The following CDHR3 variants were observed in gnomAD, a reference collection of about 807,000 sequenced individuals.
CDHR3 encodes the protein cadherin-related family member 3.
A neutral mutation model predicts 86.6 loss-of-function variants in CDHR3; 79 were observed. That is an observed-to-expected ratio of 0.91 (90% CI 0.76 to 1.10). CDHR3 has a LOEUF of 1.10. Ranked by LOEUF, CDHR3 falls within the 50% of genes least tolerant of loss-of-function variation. The pLI is 0.00. For missense variants in CDHR3, 1,081 were observed against 1,077.6 expected, an observed-to-expected ratio of 1.00 and a Z score of -0.04; for synonymous variants, 421 against 402.4, an observed-to-expected ratio of 1.05 and a Z score of -0.55.
At chr7:106,031,573 CGCT>C (rs942533751) in intron 18 of CDHR3, among the ~76,000 whole-genome samples, 2 of 152,178 alleles carry the variant, frequency 1.3e-5, no homozygotes, top group Admixed American at 6.5e-5. Flanking sequence ...CTGCCGCCGC[CGCT>C]GCTGCTGCTG....
rs912664882 is a variant in CDHR3, at chr7:106,015,027, C to T, written c.1225-84C>T. 3.7e-6 allele frequency: 4 copies of T among 1,094,546 alleles called. No individual in the cohort carries two copies. In the African/African-American group the frequency reaches 6.3e-5, roughly 17 times the overall value. 67.8% of individuals were successfully genotyped at this position (1,094,546 alleles called of 1,614,324 possible). A position where few individuals can be genotyped will look rare whatever the true frequency, so the allele number is the denominator to read the frequency against. On this transcript the variant is annotated intron_variant, in intron 9 of 18. Coordinates refer to ENST00000317716, the MANE Select transcript of CDHR3 (RefSeq NM_152750.5). ...AGCGTTTTGCCAATTTATATATCCA[C>T]TAGCAGTATATGAAAATGTCTCTCG...
At chr7:106,008,178 G>A (rs1460768832) in intron 8 of CDHR3, among the ~76,000 whole-genome samples, 2 of 152,170 alleles carry the variant, frequency 1.3e-5, no homozygotes, top group Non-Finnish European at 2.9e-5. Context: ...AGTTCAAGAT[G>A]AGATTTGGGT....
intron 8 of CDHR3, among the ~76,000 whole-genome samples, chr7:106,008,020 A>C (rs1317208602): frequency 6.6e-6 from 1 of 152,250 alleles, no homozygotes; most frequent in Non-Finnish European, 1.5e-5. Context: ...GGATGGCAGC[A>C]GGCAAAGAGA....
chr7:106,012,738 A>G, intron 8 of CDHR3, 122 bp from the exon 9 acceptor site: 1 of 1,094,032 alleles, frequency 9.1e-7, no homozygotes, highest in Non-Finnish European at 1.3e-6. Flanking sequence ...AGGTGACTGC[A>G]ATGACCATGG....
chr7:105,969,088 A>T (rs914453313), intron 1 of CDHR3, among the ~76,000 whole-genome samples: 1 of 63,042 alleles, frequency 1.6e-5, no homozygotes, highest in Admixed American at 1.5e-4. Context: ...ACTCCGTCTC[A>T]AAATAAAAAT....
intron 8 of CDHR3, among the ~76,000 whole-genome samples, chr7:106,010,333 C>CAA (rs940203295): frequency 1.7e-4 from 26 of 152,206 alleles, no homozygotes; most frequent in South Asian, 4.1e-4. Context: ...GACAAGAATA[C>CAA]AAACCTCTCT....
chr7:105,975,255 A>G (rs1828626581), intron 2 of CDHR3, among the ~76,000 whole-genome samples: 1 of 152,162 alleles, frequency 6.6e-6, no homozygotes, highest in Non-Finnish European at 1.5e-5. Context: ...CATACAGTTT[A>G]CATAAGCATT....
Position 106,001,573 on chromosome 7 carries a change from C to G in CDHR3, c.825C>G (p.Ser275Arg), listed in dbSNP as rs1405831681. 2 of 1,613,906 alleles carry G rather than the reference C, an allele frequency of 1.2e-6. No individual in the cohort carries two copies. The highest frequency in any genetic ancestry group is 2.7e-5 in the African/African-American group (2 of 74,912). Reference sequence around the variant, plus strand: ...GTTTTCCCAGCCACCTCCTCTACAGCATTACCACTGTTAGCAAATATTTCA... The same window carrying G: ...GTTTTCCCAGCCACCTCCTCTACAGGATTACCACTGTTAGCAAATATTTCA... ...DEGFPSHLLYSITTVSKYFMI... is the reference protein window; with the variant it reads ...DEGFPSHLLYRITTVSKYFMI... The change falls in exon 7 of 19, where the codon AGC (serine) becomes AGG (arginine). Residue 275 changes from serine to arginine, a missense_variant. Transcript: ENST00000317716.
Position 106,029,713 on chromosome 7 carries a change from G to A in CDHR3, c.2305-1079G>A, listed in dbSNP as rs142564699. On this transcript the variant is annotated intron_variant, in intron 17 of 18. Coordinates refer to ENST00000317716, the MANE Select transcript of CDHR3 (RefSeq NM_152750.5). ...TCATGAATTTGTTGCATAATTCAATGGCTCCTCCAATGAGGAAGTCAGTGC... is the reference window on the plus strand; with the variant it reads ...TCATGAATTTGTTGCATAATTCAATAGCTCCTCCAATGAGGAAGTCAGTGC... Among the ~76,000 whole-genome samples, 560 of 152,252 alleles carry A rather than the reference G, an allele frequency of 3.7e-3. 1 individual carries two copies. The highest frequency in any genetic ancestry group is 5.3e-3 in the Non-Finnish European group (359 of 68,012).
chr7:106,006,329 C>A (rs947865587), intron 8 of CDHR3, among the ~76,000 whole-genome samples: 2 of 152,134 alleles, frequency 1.3e-5, no homozygotes, highest in African/African-American at 4.8e-5. Flanking sequence ...ATTTCAAAAC[C>A]AATCATGCCT....
chr7:106,009,063 C>A (rs952832802), intron 8 of CDHR3, among the ~76,000 whole-genome samples: 2 of 152,206 alleles, frequency 1.3e-5, no homozygotes, highest in African/African-American at 4.8e-5. Context: ...CCTAGACTGT[C>A]CAGGCAAGAC....
chr7:105,973,117 G>C (rs1386398433), intron 1 of CDHR3, among the ~76,000 whole-genome samples: 1 of 152,152 alleles, frequency 6.6e-6, no homozygotes, highest in Non-Finnish European at 1.5e-5. Context: ...CTCAGGGTCT[G>C]ATGGTGGCTG....
chr7:106,033,090 A>G lies in CDHR3; in HGVS notation c.*393A>G, dbSNP rs1431669271. 5.7e-6 allele frequency: 1 copy of G among 175,196 alleles called. No individual in the cohort carries two copies. The highest frequency in any genetic ancestry group is 2.4e-5 in the African/African-American group (1 of 42,194). 10.9% of individuals were successfully genotyped at this position (175,196 alleles called of 1,614,324 possible). A position where few individuals can be genotyped will look rare whatever the true frequency, so the allele number is the denominator to read the frequency against. ...TATCCTTACATCTGGTTTCCACCTT[A>G]TTTTCCTGCCCTCGTTTTAACATCA... On this transcript the variant is annotated 3_prime_UTR_variant, in exon 19 of 19. Transcript: ENST00000317716.
rs1838690323 is a variant in CDHR3, at chr7:106,033,815, A to G, written c.*1118A>G. On this transcript the variant is annotated 3_prime_UTR_variant, in exon 19 of 19. Transcript: ENST00000317716. ...TGTCTTTTGGTGAACATAAACACTCACTTTTTTGCTCATATATCTAAGAGT... is the reference window on the plus strand; with the variant it reads ...TGTCTTTTGGTGAACATAAACACTCGCTTTTTTGCTCATATATCTAAGAGT... The G allele has an allele frequency of 6.6e-6, 1 of 152,156 alleles. No individual in the cohort carries two copies. Among genetic ancestry groups the G allele is most frequent in the Non-Finnish European group, 1.5e-5 (1 of 68,040 alleles). The allele number at this position is 152,156 out of a possible 1,614,324, so 9.4% of individuals were successfully genotyped here.
chr7:105,964,988 G>A (rs186637024), intron 1 of CDHR3, among the ~76,000 whole-genome samples: 1 of 152,342 alleles, frequency 6.6e-6, no homozygotes, highest in Non-Finnish European at 1.5e-5. Flanking sequence ...TGGGGAAAGA[G>A]TGAGGTTAGG....
intron 8 of CDHR3, among the ~76,000 whole-genome samples, chr7:106,009,507 T>C (rs1834443637): frequency 6.6e-6 from 1 of 152,270 alleles, no homozygotes. Flanking sequence ...ACACTTGCTC[T>C]TGAATGTTTG....
chr7:105,981,903 A>G (rs1204204696), intron 3 of CDHR3, among the ~76,000 whole-genome samples: 23 of 152,024 alleles, frequency 1.5e-4, no homozygotes, highest in Non-Finnish European at 1.5e-5. Flanking sequence ...CACACTTGAC[A>G]TGAAATCCTT....
chr7:106,010,278 C>G (rs1393297032), intron 8 of CDHR3, among the ~76,000 whole-genome samples: 1 of 152,162 alleles, frequency 6.6e-6, no homozygotes, highest in African/African-American at 2.4e-5. Flanking sequence ...CCTGGACAGG[C>G]CTTGAAAATG....
At chr7:105,982,092 T>C (rs1563241463) in intron 3 of CDHR3, among the ~76,000 whole-genome samples, 2 of 152,020 alleles carry the variant, frequency 1.3e-5, no homozygotes, top group African/African-American at 4.8e-5. Context: ...AGGGATCCTA[T>C]TAAAACGTCA....
Sources: gnomAD v4.1 joint callset for allele counts (sites outside exome capture counted in the v4.1 genomes callset) on GRCh38, gnomAD v4.1.1 for gene constraint, MANE v1.5 for transcripts, NCBI Gene and HGNC (gene_info 2026-07-23, HGNC 2026-07-21) for gene names.